ARSJ: variants seen among roughly 807,000 people sequenced by gnomAD.
ARSJ encodes arylsulfatase J.
ARSJ carries 26 observed loss-of-function variants against 35.9 expected under a neutral mutation model. The ratio of observed to expected loss-of-function variants is 0.72; its 90% confidence interval spans 0.53 to 1.00. The LOEUF (loss-of-function observed/expected upper bound fraction) is 1.00. Among genes scored for constraint, ARSJ ranks in the 50% least tolerant of loss-of-function variants. The pLI is 0.00. For missense variants in ARSJ, 667 were observed against 723.6 expected, an observed-to-expected ratio of 0.92 and a Z score of 0.90; for synonymous variants, 294 against 267.6, an observed-to-expected ratio of 1.10 and a Z score of -0.96.
chr4:113,977,955 G>A (rs1030784445), intron 1 of ARSJ, among the ~76,000 whole-genome samples: 3 of 152,050 alleles, frequency 2.0e-5, no homozygotes, highest in Non-Finnish European at 4.4e-5. Flanking sequence ...ACATAAACTG[G>A]TCATATTTTA....
At chr4:113,961,919 G>A (rs1169382224) in intron 1 of ARSJ, among the ~76,000 whole-genome samples, 1 of 143,006 alleles carries the variant, frequency 7.0e-6, no homozygotes, top group African/African-American at 3.0e-5. Flanking sequence ...GTGTGTGTGT[G>A]TGTGTGTGTG....
chr4:113,904,505 GAC>G (rs938588021), intron 1 of ARSJ, among the ~76,000 whole-genome samples: 180 of 152,040 alleles, frequency 1.2e-3, no homozygotes, highest in African/African-American at 4.2e-3. Context: ...TTTTTTTTGA[GAC>G]GGAGTCTCGC....
intron 1 of ARSJ, among the ~76,000 whole-genome samples, chr4:113,912,185 A>T (rs557201908): frequency 1.4e-4 from 21 of 152,246 alleles, no homozygotes; most frequent in Non-Finnish European, 2.9e-4. Flanking sequence ...AGAAGGCCAT[A>T]GATGGAGCCC....
intron 1 of ARSJ, among the ~76,000 whole-genome samples, chr4:113,972,976 A>C (rs1485084202): frequency 3.3e-5 from 5 of 152,228 alleles, no homozygotes; most frequent in African/African-American, 1.2e-4. Context: ...AACAGACAAT[A>C]GACTCATTAT....
intron 1 of ARSJ, among the ~76,000 whole-genome samples, chr4:113,975,846 A>G (rs915829415): frequency 1.3e-5 from 2 of 152,134 alleles, no homozygotes; most frequent in African/African-American, 2.4e-5. Flanking sequence ...TTAAATCACT[A>G]TTGATTTCTA....
chr4:113,937,335 G>T (rs1253191424), intron 1 of ARSJ, among the ~76,000 whole-genome samples: 1 of 151,892 alleles, frequency 6.6e-6, no homozygotes, highest in Non-Finnish European at 1.5e-5. Context: ...CCACAGGAAA[G>T]CTCCAGATGA....
chr4:113,957,189 C>T (rs753552289), intron 1 of ARSJ, among the ~76,000 whole-genome samples: 26 of 152,018 alleles, frequency 1.7e-4, no homozygotes, highest in Non-Finnish European at 3.1e-4. Flanking sequence ...ATATAGTAAG[C>T]TAATAGGAAT....
intron 1 of ARSJ, among the ~76,000 whole-genome samples, chr4:113,915,310 A>T (rs1339784052): frequency 6.6e-6 from 1 of 152,162 alleles, no homozygotes; most frequent in Non-Finnish European, 1.5e-5. Flanking sequence ...ATTTATTATT[A>T]ATGGCGGTAT....
intron 1 of ARSJ, among the ~76,000 whole-genome samples, chr4:113,916,853 G>A (rs547350336): frequency 6.6e-6 from 1 of 152,246 alleles, no homozygotes; most frequent in East Asian, 1.9e-4. Flanking sequence ...ATGTTACCTT[G>A]CCAATTAACT....
chr4:113,938,929 T>A (rs1724942648), intron 1 of ARSJ, among the ~76,000 whole-genome samples: 1 of 151,928 alleles, frequency 6.6e-6, no homozygotes, highest in Non-Finnish European at 1.5e-5. Context: ...ATTATTATTA[T>A]ACTTTAAGTT....
At chr4:113,934,772 T>C (rs1391844554) in intron 1 of ARSJ, among the ~76,000 whole-genome samples, 1 of 151,834 alleles carries the variant, frequency 6.6e-6, no homozygotes, top group African/African-American at 2.4e-5. Context: ...TGTGAAATTA[T>C]ATTAAACTGT....
chr4:113,940,291 A>G (rs1316973371), intron 1 of ARSJ, among the ~76,000 whole-genome samples: 7 of 152,208 alleles, frequency 4.6e-5, no homozygotes, highest in Non-Finnish European at 8.8e-5. Flanking sequence ...CATATACAAC[A>G]TGGAATACTA....
Position 113,902,055 on chromosome 4 carries a change from C to G in ARSJ, c.*219G>C. 2 of 1,412,484 alleles carry G rather than the reference C, an allele frequency of 1.4e-6. No individual in the cohort carries two copies. Among genetic ancestry groups the G allele is most frequent in the Non-Finnish European group, 1.9e-6 (2 of 1,048,982 alleles). 87.5% of individuals were successfully genotyped at this position (1,412,484 alleles called of 1,614,324 possible). A position where few individuals can be genotyped will look rare whatever the true frequency, so the allele number is the denominator to read the frequency against. ...GGAGCAAGAGAAATAAACATCTCCACTCTCTCTAAGTGTGGCTTGCAAGAG... is the reference window on the plus strand; with the variant it reads ...GGAGCAAGAGAAATAAACATCTCCAGTCTCTCTAAGTGTGGCTTGCAAGAG... On this transcript the variant is annotated 3_prime_UTR_variant, in exon 2 of 2. Coordinates refer to ENST00000315366, the MANE Select transcript of ARSJ (RefSeq NM_024590.4).
rs116987669 is a variant in ARSJ at position 113,956,133 on chromosome 4, G to T, written c.398+22304C>A. Among the ~76,000 whole-genome samples, 65 of 152,080 alleles carry T rather than the reference G, an allele frequency of 4.3e-4. 1 individual carries two copies. The East Asian group carries it at 0.01, about 24-fold the overall frequency. ...CCTGGCTAGTTTTTGTAGAGACAGGGTTTTGTCATGTTGCCTAGGCTGGTT... is the reference window on the plus strand; with the variant it reads ...CCTGGCTAGTTTTTGTAGAGACAGGTTTTTGTCATGTTGCCTAGGCTGGTT... On this transcript the variant is annotated intron_variant, in intron 1 of 1. Transcript: ENST00000315366.
intron 1 of ARSJ, among the ~76,000 whole-genome samples, chr4:113,915,700 G>A (rs1442926748): frequency 2.0e-5 from 3 of 152,116 alleles, no homozygotes; most frequent in Non-Finnish European, 4.4e-5. Context: ...AATACCTCCA[G>A]GATGAAATTC....
intron 1 of ARSJ, among the ~76,000 whole-genome samples, chr4:113,958,022 G>C (rs1475971300): frequency 6.6e-6 from 1 of 152,038 alleles, no homozygotes; most frequent in Non-Finnish European, 1.5e-5. Context: ...TTTTAAATTT[G>C]CATGTTGTTT....
intron 1 of ARSJ, among the ~76,000 whole-genome samples, chr4:113,905,404 G>A (rs2099668400): frequency 6.6e-6 from 1 of 152,142 alleles, no homozygotes. Flanking sequence ...TTTAATGATA[G>A]CATGATGAAA....
intron 1 of ARSJ, among the ~76,000 whole-genome samples, chr4:113,937,636 A>C (rs1004777018): frequency 2.6e-5 from 4 of 152,108 alleles, no homozygotes; most frequent in African/African-American, 9.7e-5. Context: ...ATATCTAGAA[A>C]ACCCCATCGT....
At chr4:113,938,236 C>A (rs1257690559) in intron 1 of ARSJ, among the ~76,000 whole-genome samples, 1 of 151,976 alleles carries the variant, frequency 6.6e-6, no homozygotes, top group Non-Finnish European at 1.5e-5. Flanking sequence ...TAAGACCACA[C>A]ATCTACAACC....
Sources: allele counts gnomAD v4.1 joint callset (sites outside exome capture counted in the v4.1 genomes callset), GRCh38; gene constraint gnomAD v4.1.1; transcripts MANE v1.5; gene names NCBI Gene and HGNC (gene_info 2026-07-23, HGNC 2026-07-21).